Variants in PRKG1 observed in about 807,000 individuals in gnomAD.
PRKG1 encodes the protein cGMP-dependent protein kinase 1.
In PRKG1, 35 loss-of-function variants were observed where a neutral mutation model predicts 88.1. The observed-to-expected ratio is 0.40, with a 90% CI of 0.30 to 0.53. The LOEUF (loss-of-function observed/expected upper bound fraction) is 0.53. Ranked by LOEUF, PRKG1 falls within the 20% of genes least tolerant of loss-of-function variation. PRKG1 has a pLI of 0.59. For missense variants in PRKG1, 540 were observed against 839.8 expected, an observed-to-expected ratio of 0.64 and a Z score of 4.41; for synonymous variants, 303 against 292.5, an observed-to-expected ratio of 1.04 and a Z score of -0.37.
rs190120694 is a variant in PRKG1 at position 51,250,850 on chromosome 10, G to A, written c.478+97520G>A. On this transcript the variant is annotated intron_variant, in intron 2 of 17. Coordinates refer to ENST00000373980, the MANE Select transcript of PRKG1 (RefSeq NM_006258.4). Reference sequence around the variant, plus strand: ...GTATTGAGCTCCTAGTGTATGTGAAGCCCTCTCTATGCCTTCCAGCCCTAC... The same window carrying A: ...GTATTGAGCTCCTAGTGTATGTGAAACCCTCTCTATGCCTTCCAGCCCTAC... Among the ~76,000 whole-genome samples, 367 of 151,208 alleles carry A rather than the reference G, an allele frequency of 2.4e-3. 2 individuals carry two copies. Among genetic ancestry groups the A allele is most frequent in the African/African-American group, 8.8e-3 (359 of 40,934 alleles).
chr10:51,127,795 C>A (rs1032793983), intron 1 of PRKG1, among the ~76,000 whole-genome samples: 4 of 152,162 alleles, frequency 2.6e-5, no homozygotes, highest in African/African-American at 9.7e-5. Context: ...GGAATGAGTT[C>A]ATGCCCTTTG....
At chr10:51,987,850 C>T (rs944163680) in intron 5 of PRKG1, among the ~76,000 whole-genome samples, 44 of 152,036 alleles carry the variant, frequency 2.9e-4, no homozygotes, top group Middle Eastern at 3.4e-3. Flanking sequence ...TTCAAGAAAA[C>T]GGCCACAAGG....
chr10:51,937,650 T>G (rs2133020220), intron 5 of PRKG1, among the ~76,000 whole-genome samples: 1 of 152,138 alleles, frequency 6.6e-6, no homozygotes, highest in Non-Finnish European at 1.5e-5. Flanking sequence ...TAATACTTTG[T>G]TTTCCTTTTT....
chr10:51,544,937 CTCA>C (rs1842410240), intron 3 of PRKG1, among the ~76,000 whole-genome samples: 1 of 151,956 alleles, frequency 6.6e-6, no homozygotes, highest in African/African-American at 2.4e-5. Context: ...TGAAAAAATG[CTCA>C]TCATCACTGG....
intron 3 of PRKG1, among the ~76,000 whole-genome samples, chr10:51,638,701 C>A (rs557498228): frequency 9.2e-4 from 140 of 152,286 alleles, no homozygotes; most frequent in South Asian, 4.6e-3. Context: ...GAGAGCCTGT[C>A]TCTTCAGTGG....
At chr10:51,959,953 A>G (rs574620266) in intron 5 of PRKG1, among the ~76,000 whole-genome samples, 63 of 152,250 alleles carry the variant, frequency 4.1e-4, no homozygotes, top group African/African-American at 1.5e-3. Flanking sequence ...GAAGATATCA[A>G]AATTATGCAT....
chr10:51,554,912 T>A (rs1837271546), intron 3 of PRKG1, among the ~76,000 whole-genome samples: 1 of 151,888 alleles, frequency 6.6e-6, no homozygotes, highest in Non-Finnish European at 1.5e-5. Context: ...TGGGTTGTTG[T>A]AACTGTTAAG....
At chr10:52,188,551 T>C (rs1371555536) in intron 9 of PRKG1, among the ~76,000 whole-genome samples, 2 of 151,234 alleles carry the variant, frequency 1.3e-5, no homozygotes, top group Non-Finnish European at 2.9e-5. Flanking sequence ...TGCATTGGAA[T>C]AAAAAAAAGT....
In PRKG1 at chr10:51,803,285, C is replaced by T. The variant is rs531689234; in HGVS notation, c.593-1300C>T. Among the ~76,000 whole-genome samples, 403 of 152,218 alleles carry T rather than the reference C, an allele frequency of 2.6e-3. 1 individual carries two copies. The highest frequency in any genetic ancestry group is 5.2e-3 in the Non-Finnish European group (354 of 68,000). ...GGAGCCAGGCACACACAAGTTCCGG[C>T]TGCTTTGTTCTATTTCTACTTCAGT... On this transcript the variant is annotated intron_variant, in intron 3 of 17. Transcript: ENST00000373980.
intron 4 of PRKG1, among the ~76,000 whole-genome samples, chr10:51,899,955 A>ACT (rs901576324): frequency 8.6e-5 from 13 of 150,998 alleles, no homozygotes; most frequent in African/African-American, 1.7e-4. Flanking sequence ...CACCTCTCTT[A>ACT]CTCTCTCTCT....
chr10:51,293,523 G>T (rs980653060), intron 2 of PRKG1, among the ~76,000 whole-genome samples: 5 of 152,022 alleles, frequency 3.3e-5, no homozygotes, highest in African/African-American at 1.2e-4. Context: ...TGTCCTCCAG[G>T]TTCATCTTTG....
At chr10:51,828,293 T>A (rs1839925197) in intron 4 of PRKG1, among the ~76,000 whole-genome samples, 1 of 152,076 alleles carries the variant, frequency 6.6e-6, no homozygotes, top group Non-Finnish European at 1.5e-5. Flanking sequence ...GGAAAGTATA[T>A]TTCATAATCC....
At chr10:51,992,383 A>T (rs187652517) in intron 5 of PRKG1, among the ~76,000 whole-genome samples, 178 of 151,768 alleles carry the variant, frequency 1.2e-3, no homozygotes, top group African/African-American at 3.9e-3. Flanking sequence ...TTCCTTTTTA[A>T]AAAAAAAATC....
intron 4 of PRKG1, among the ~76,000 whole-genome samples, chr10:51,815,090 A>G (rs1839551639): frequency 6.6e-6 from 1 of 152,108 alleles, no homozygotes; most frequent in Non-Finnish European, 1.5e-5. Context: ...CAGTCTCTTT[A>G]AGGACTGTAG....
chr10:51,225,904 T>C (rs536171250), intron 2 of PRKG1, among the ~76,000 whole-genome samples: 3 of 152,286 alleles, frequency 2.0e-5, no homozygotes, highest in African/African-American at 7.2e-5. Context: ...TTTATTTAAG[T>C]AATCAAAATT....
intron 2 of PRKG1, among the ~76,000 whole-genome samples, chr10:51,324,736 G>C (rs1345457510): frequency 6.6e-6 from 1 of 152,110 alleles, no homozygotes; most frequent in African/African-American, 2.4e-5. Flanking sequence ...GCGAGACTCC[G>C]TCTCAAAAAA....
intron 7 of PRKG1, among the ~76,000 whole-genome samples, chr10:52,113,821 A>G (rs1342938233): frequency 3.9e-5 from 6 of 152,182 alleles, no homozygotes; most frequent in Non-Finnish European, 5.9e-5. Context: ...TTTAAAATCT[A>G]TCAAATGGTA....
At chr10:51,825,809 C>A (rs1839867895) in intron 4 of PRKG1, among the ~76,000 whole-genome samples, 2 of 152,088 alleles carry the variant, frequency 1.3e-5, no homozygotes, top group East Asian at 1.9e-4. Flanking sequence ...GTGGAGGGAA[C>A]TGGAGACAAG....
At chr10:51,107,122 C>T (rs1589156952) in intron 1 of PRKG1, among the ~76,000 whole-genome samples, 1 of 152,080 alleles carries the variant, frequency 6.6e-6, no homozygotes, top group East Asian at 1.9e-4. Context: ...AGGGGGTGGC[C>T]ATGAAATGAT....
Sources: allele counts gnomAD v4.1 joint callset (sites outside exome capture counted in the v4.1 genomes callset), GRCh38; gene constraint gnomAD v4.1.1; transcripts MANE v1.5; gene names NCBI Gene and HGNC (gene_info 2026-07-23, HGNC 2026-07-21).